The following RPL4 variants were observed in gnomAD, a reference collection of about 807,000 sequenced individuals.
RPL4 encodes the protein ribosomal protein L4.
Under a neutral mutation model 47.7 loss-of-function variants are expected in RPL4, and 3 were observed. The ratio of observed to expected loss-of-function variants is 0.06; its 90% CI spans 0.03 to 0.16. The LOEUF is 0.16. Among genes scored for constraint, RPL4 ranks in the 10% least tolerant of loss-of-function variants. The pLI is 1.00. For missense variants in RPL4, 413 were observed against 551.3 expected, an observed-to-expected ratio of 0.75 and a Z score of 2.51; for synonymous variants, 208 against 182.1, an observed-to-expected ratio of 1.14 and a Z score of -1.15.
In RPL4 at chr15:66,500,101, A is replaced by G; in HGVS notation, c.993T>C (p.Tyr331=). Residue 331 remains tyrosine (Y), a synonymous_variant, in exon 9 of 10, where the codon TAT becomes TAC. Coordinates refer to ENST00000307961, the MANE Select transcript of RPL4 (RefSeq NM_000968.4). The part of the protein sequence containing the change: ...NLRIMLKLNP[Y]AKTMRRNTIL... ...TGGTGTTCCGGCGCATGGTCTTTGC[A>G]TATGGGTTTAGCTTCAACATGATTC... is the stretch of plus-strand genomic sequence containing the variant. 1.9e-6 allele frequency: 3 copies of G among 1,612,592 alleles called. No homozygotes were observed. The highest frequency in any genetic ancestry group is 1.3e-5 in the African/African-American group (1 of 74,990).
chr15:66,502,628 T>A lies in RPL4; in HGVS notation c.405A>T (p.Ala135=). 6.2e-7 allele frequency: 1 copy of A among 1,612,728 alleles called. No homozygotes were observed. The highest frequency in any genetic ancestry group is 8.5e-7 in the Non-Finnish European group (1 of 1,179,868). Residue 135 remains alanine (A), a synonymous_variant, in exon 4 of 10, where the codon GCA becomes GCT. Coordinates refer to ENST00000307961, the MANE Select transcript of RPL4 (RefSeq NM_000968.4). ...CSALAASALP[A]LVMSKGHRIE... is the part of the protein sequence containing the mutation. ...ATTACAAACCTTTAGACATGACCAG[T>A]GCTGGTAGGGCTGAGGCAGCCAGGG...
Position 66,504,801 on chromosome 15 carries a change from G to C in RPL4, c.-11C>G, listed in dbSNP as rs368502665. The C allele has an allele frequency of 6.2e-7, 1 of 1,611,820 alleles. No homozygotes were observed. Among genetic ancestry groups the C allele is most frequent in the Admixed American group, 1.7e-5 (1 of 59,798 alleles). Reference sequence around the variant, plus strand: ...ACTTCCACTCACCATGGCGGAGAGAGGAGACAGCCACGCTCCTCTCAGCCC... The same window carrying C: ...ACTTCCACTCACCATGGCGGAGAGACGAGACAGCCACGCTCCTCTCAGCCC... On this transcript the variant is annotated 5_prime_UTR_variant, in exon 1 of 10. Coordinates refer to ENST00000307961, the MANE Select transcript of RPL4 (RefSeq NM_000968.4).
intron 4 of RPL4, chr15:66,502,142 G>A: frequency 1.5e-6 from 1 of 667,592 alleles, no homozygotes; most frequent in South Asian, 1.5e-5. Flanking sequence ...TAAGTTGGAA[G>A]TTTTCTAAGG....
rs1270815735 is a variant in RPL4 at position 66,504,773 on chromosome 15, A to T, written c.3+15T>A. The T allele has an allele frequency of 1.9e-6, 3 of 1,612,050 alleles. No homozygotes were observed. In the Admixed American group the frequency reaches 5.0e-5, roughly 27 times the overall value. On this transcript the variant is annotated intron_variant, in intron 1 of 9. Transcript: ENST00000307961. Reference sequence around the variant, plus strand: ...GAGATACGGGGTAAGGCCAGCCAAGAGAACTTCCACTCACCATGGCGGAGA... The same window carrying T: ...GAGATACGGGGTAAGGCCAGCCAAGTGAACTTCCACTCACCATGGCGGAGA...
At position 66,499,414 on chromosome 15, in the gene RPL4, G is replaced by A. The variant is rs1334906594; in HGVS notation, c.1277C>T (p.Ala426Val). Residue 426 changes from alanine (A) to valine (V), a missense_variant, in exon 10 of 10, where the codon GCT (alanine) becomes GTT (valine). Ala to Val is a moderately conservative substitution (Grantham distance 64). Around this residue, in one of 4 missense-constraint regions of RPL4, gnomAD observed 134 missense variants for 122.7 expected, o/e 1.09. Transcript: ENST00000307961. ...KKPTTEEKKPAA is the reference protein window; with the variant it reads ...KKPTTEEKKPVA ...ATAATCAAATTTAAGAGTTTATGCA[G>A]CAGGCTTCTTCTCCTCTGTAGTAGG... 6.2e-7 allele frequency: 1 copy of A among 1,604,044 alleles called. No homozygotes were observed. Among genetic ancestry groups the A allele is most frequent in the East Asian group, 2.2e-5 (1 of 44,864 alleles).
intron 1 of RPL4, among the ~76,000 whole-genome samples, chr15:66,504,327 T>C (rs1054815153): frequency 6.6e-6 from 1 of 152,194 alleles, no homozygotes; most frequent in Admixed American, 6.5e-5. Flanking sequence ...CAACACTACA[T>C]AGTATATACG....
Position 66,503,148 on chromosome 15 carries a change from A to G in RPL4, c.192T>C (p.Ala64=). ...CAGCTCTGCCAGTACCCCAAGACTC[A>G]GCACTAGTCTGATGACCTAAAATTG... is the stretch of plus-strand genomic sequence containing the variant. The part of the protein sequence containing the change: ...VSELAGHQTS[A]ESWGTGRAVA... The change falls in exon 3 of 10, where the codon GCT becomes GCC. Residue 64 remains alanine, a synonymous_variant. Coordinates refer to ENST00000307961, the MANE Select transcript of RPL4 (RefSeq NM_000968.4). 6.2e-7 allele frequency: 1 copy of G among 1,614,074 alleles called. No homozygotes were observed. The highest frequency in any genetic ancestry group is 8.5e-7 in the Non-Finnish European group (1 of 1,179,928).
chr15:66,502,902 A>T (rs1389780736), intron 3 of RPL4, 152 bp from the exon 4 acceptor site: 1 of 1,349,828 alleles, frequency 7.4e-7, no homozygotes, highest in East Asian at 2.3e-5. Context: ...AAATTACGAC[A>T]TCATTGCAAG....
At chr15:66,500,429 G>A in intron 7 of RPL4, 53 bp from the exon 8 acceptor site, 2 of 1,483,738 alleles carry the variant, frequency 1.3e-6, no homozygotes, top group South Asian at 2.3e-5. Flanking sequence ...CCAAAGAACA[G>A]GAAGCTCAAC....
chr15:66,502,648 C>A lies in RPL4; in HGVS notation c.385G>T (p.Ala129Ser). 1 of 1,612,998 alleles carries A rather than the reference C, an allele frequency of 6.2e-7. No individual in the cohort carries two copies. The highest frequency in any genetic ancestry group is 8.5e-7 in the Non-Finnish European group (1 of 1,179,854). Residue 129 changes from alanine (A) to serine (S), a missense_variant, in exon 4 of 10, where the codon GCT becomes TCT. Coordinates refer to ENST00000307961, the MANE Select transcript of RPL4 (RefSeq NM_000968.4). Reference sequence around the variant, plus strand: ...ACCAGTGCTGGTAGGGCTGAGGCAGCCAGGGCAGAACAGATGGCGTATCGT... The same window carrying A: ...ACCAGTGCTGGTAGGGCTGAGGCAGACAGGGCAGAACAGATGGCGTATCGT... Reference protein sequence around the residue: ...QKRYAICSALAASALPALVMS... With the variant: ...QKRYAICSALSASALPALVMS...
chr15:66,500,453 T>C, intron 7 of RPL4, 77 bp from the exon 8 acceptor site: 1 of 1,244,744 alleles, frequency 8.0e-7, no homozygotes, highest in African/African-American at 1.5e-5. Flanking sequence ...AGCTTTATTT[T>C]TAGCCACTAT....
Position 66,503,109 on chromosome 15 carries a change from G to C in RPL4, c.231C>G (p.Pro77=), listed in dbSNP as rs1175210822. 6.8e-6 allele frequency: 11 copies of C among 1,614,066 alleles called. No homozygotes were observed. The highest frequency in any genetic ancestry group is 9.3e-6 in the Non-Finnish European group (11 of 1,180,008). Residue 77 remains proline (P), a synonymous_variant, in exon 3 of 10, where the codon CCC becomes CCG. Transcript: ENST00000307961. The part of the protein sequence containing the change: ...WGTGRAVARI[P]RVRGGGTHRS... ...GGTGAGTCCCACCACCTCGAACTCT[G>C]GGAATTCGAGCCACAGCTCTGCCAG...
chr15:66,499,787 G>A (rs1404570839), intron 9 of RPL4, 135 bp from the exon 10 acceptor site: 12 of 1,237,280 alleles, frequency 9.7e-6, no homozygotes, highest in Non-Finnish European at 1.1e-5. Flanking sequence ...ACTTTGGGAG[G>A]CCGAGGCAGG....
At chr15:66,504,634 C>T (rs1473211844) in intron 1 of RPL4, among the ~76,000 whole-genome samples, 154 bp downstream of exon 1, 2 of 152,110 alleles carry the variant, frequency 1.3e-5, no homozygotes, top group Non-Finnish European at 1.5e-5. Flanking sequence ...GCCGTATCGC[C>T]GCACATCCCA....
At chr15:66,499,834 A>C in intron 9 of RPL4, 182 bp from the exon 10 acceptor site, 1 of 929,676 alleles carries the variant, frequency 1.1e-6, no homozygotes, top group Non-Finnish European at 1.6e-6. Context: ...GACCAGCCTA[A>C]CAATATAGTG....
chr15:66,502,415 T>C (rs773741789), intron 4 of RPL4, 197 bp downstream of exon 4: 2 of 608,336 alleles, frequency 3.3e-6, no homozygotes, highest in African/African-American at 3.7e-5. Flanking sequence ...ATTTGATAAC[T>C]GAATGCACTC....
rs748165237 is a variant in RPL4, at chr15:66,500,389, A to T, written c.834-13T>A. Reference sequence around the variant, plus strand: ...GTGCATGGGAAGACTGAAAGGGAAAAGATTGACATGTACATGTAAAAGTAA... The same window carrying T: ...GTGCATGGGAAGACTGAAAGGGAAATGATTGACATGTACATGTAAAAGTAA... On this transcript the variant is annotated splice_polypyrimidine_tract_variant and intron_variant, in intron 7 of 9. Coordinates refer to ENST00000307961, the MANE Select transcript of RPL4 (RefSeq NM_000968.4). The T allele has an allele frequency of 2.5e-6, 4 of 1,608,930 alleles. No individual in the cohort carries two copies. Among genetic ancestry groups the T allele is most frequent in the Non-Finnish European group, 3.4e-6 (4 of 1,175,998 alleles).
At chr15:66,502,591 C>T (rs1555422708) in intron 4 of RPL4, 21 bp downstream of exon 4, 1 of 1,607,812 alleles carries the variant, frequency 6.2e-7, no homozygotes, top group East Asian at 2.2e-5. Flanking sequence ...ATCAAACTCT[C>T]TTATATAAAG....
intron 3 of RPL4, 45 bp from the exon 4 acceptor site, chr15:66,502,795 A>C: frequency 6.2e-7 from 1 of 1,613,592 alleles, no homozygotes; most frequent in Non-Finnish European, 8.5e-7. Context: ...TTTAGTAATT[A>C]CAACAAGGTT....
Sources: allele counts gnomAD v4.1 joint callset (sites outside exome capture counted in the v4.1 genomes callset), GRCh38; gene constraint gnomAD v4.1.1; regional missense constraint gnomAD v4.1.1; transcripts MANE v1.5; gene names NCBI Gene and HGNC (gene_info 2026-07-23, HGNC 2026-07-21).